Variants in MAP3K21 observed in about 807,000 individuals in gnomAD.
The protein encoded by MAP3K21 is mitogen-activated protein kinase kinase kinase MLK4.
A neutral mutation model predicts 86.1 loss-of-function variants in MAP3K21; 63 were observed. That is an observed-to-expected ratio of 0.73 (90% confidence interval 0.60 to 0.90). The LOEUF is 0.90. MAP3K21 is among the 40% of genes least tolerant of loss of function. MAP3K21 has a pLI of 0.00. For synonymous variants in MAP3K21, 558 were observed against 564.8 expected, an observed-to-expected ratio of 0.99 and a Z score of 0.17; for missense variants, 1,220 against 1,367.7, an observed-to-expected ratio of 0.89 and a Z score of 1.70.
At chr1:233,377,447 G>A (rs934740566) in intron 8 of MAP3K21, among the ~76,000 whole-genome samples, 1 of 152,190 alleles carries the variant, frequency 6.6e-6, no homozygotes, top group Non-Finnish European at 1.5e-5. Context: ...CCTGGGTTCA[G>A]CTTCTCCTTC....
intron 1 of MAP3K21, among the ~76,000 whole-genome samples, chr1:233,334,778 C>T (rs889897392): frequency 9.9e-5 from 15 of 152,024 alleles, no homozygotes; most frequent in African/African-American, 2.4e-5. Context: ...CATAAGCTTG[C>T]GGTCATTGCT....
chr1:233,345,591 G>A (rs1423112965), intron 1 of MAP3K21, among the ~76,000 whole-genome samples: 1 of 151,494 alleles, frequency 6.6e-6, no homozygotes, highest in Admixed American at 6.6e-5. Flanking sequence ...ATGGGATGGG[G>A]GGCAGGGGGA....
At position 233,358,469 on chromosome 1, in the gene MAP3K21, A is replaced by ATTAGTT. The variant is rs1553338864; in HGVS notation, c.1311+3460_1311+3461insAGTTTT. Among the ~76,000 whole-genome samples the ATTAGTT allele has an allele frequency of 8.7e-5, 6 of 68,766 alleles. No individual in the cohort carries two copies. In the Admixed American group the frequency reaches 9.8e-4, roughly 11 times the overall value. 45.1% of individuals were successfully genotyped at this position (68,766 alleles called of 152,430 possible). A position where few individuals can be genotyped will look rare whatever the true frequency, so the allele number is the denominator to read the frequency against. ...TTAAAATGATACAGGAAAGACTCTA[A>ATTAGTT]TTTGTTTTTTTTTTTTTTAACACTT... is the stretch of plus-strand genomic sequence containing the variant. On this transcript the variant is annotated intron_variant, in intron 4 of 9. Transcript: ENST00000366624.
chr1:233,338,781 A>G (rs1662962743), intron 1 of MAP3K21, among the ~76,000 whole-genome samples: 2 of 152,198 alleles, frequency 1.3e-5, no homozygotes, highest in South Asian at 4.1e-4. Context: ...TTTTACTACG[A>G]CGCAAGAGAC....
chr1:233,375,406 G>A (rs1663774043), intron 6 of MAP3K21, among the ~76,000 whole-genome samples: 2 of 152,196 alleles, frequency 1.3e-5, no homozygotes, highest in Non-Finnish European at 2.9e-5. Flanking sequence ...CGTAACCAAA[G>A]TGTTGTCATG....
intron 1 of MAP3K21, among the ~76,000 whole-genome samples, chr1:233,338,477 T>A (rs1398136722): frequency 6.6e-6 from 1 of 152,112 alleles, no homozygotes; most frequent in Admixed American, 6.6e-5. Flanking sequence ...AAGTGCTTAG[T>A]ATAAAAACTA....
At position 233,328,334 on chromosome 1, in the gene MAP3K21, G is replaced by T. The variant is rs1225746056; in HGVS notation, c.306G>T (p.Pro102=). 3.4e-6 allele frequency: 5 copies of T among 1,471,756 alleles called. No homozygotes were observed. The highest frequency in any genetic ancestry group is 4.5e-6 in the Non-Finnish European group (5 of 1,120,038). The allele number at this position is 1,471,756 out of a possible 1,614,324, so 91.2% of individuals were successfully genotyped here. The part of the protein sequence containing the change: ...FPANYVAPCR[P]AASPAPPPSR... ...CCAACTACGTGGCTCCCTGCCGCCCGGCCGCCAGCCCCGCGCCGCCGCCCT... is the reference window on the plus strand; with the variant it reads ...CCAACTACGTGGCTCCCTGCCGCCCTGCCGCCAGCCCCGCGCCGCCGCCCT... The change falls in exon 1 of 10, where the codon CCG becomes CCT. Residue 102 remains proline, a synonymous_variant. Transcript: ENST00000366624. The surrounding 1 kb of genome is among the most constrained non-coding windows in gnomAD (Gnocchi z 8.7).
In MAP3K21 at chr1:233,354,997, A is replaced by G. The variant is rs751102005; in HGVS notation, c.1297A>G (p.Arg433Gly). ...AATTCAACAAATGTTTGATGAGTTG[A>G]GAACAAAGGAAAAGGTGAGAGAAAT... ...LEIQQMFDEL[R>G]TKEKELRSRE... Residue 433 changes from arginine (R) to glycine (G), a missense_variant, in exon 4 of 10, where the codon AGA becomes GGA. Coordinates refer to ENST00000366624, the MANE Select transcript of MAP3K21 (RefSeq NM_032435.3). 37 of 1,611,126 alleles carry G rather than the reference A, an allele frequency of 2.3e-5. No homozygotes were observed. The South Asian group carries it at 4.1e-4, about 18-fold the overall frequency.
intron 6 of MAP3K21, among the ~76,000 whole-genome samples, chr1:233,374,867 T>TA (rs1037420137): frequency 6.6e-6 from 1 of 151,350 alleles, no homozygotes; most frequent in African/African-American, 2.4e-5. Context: ...AAACTGTTTT[T>TA]AGAACATCTA....
chr1:233,345,471 C>T (rs1663117804), intron 1 of MAP3K21, among the ~76,000 whole-genome samples: 1 of 151,502 alleles, frequency 6.6e-6, no homozygotes, highest in South Asian at 2.1e-4. Context: ...TCTGAGCAAA[C>T]TGTCACAAGG....
In MAP3K21 at chr1:233,375,718, A is replaced by G. The variant is rs1379679122; in HGVS notation, c.1676-198A>G. ...GAATTTGTATCTTTTCTGTTAACTT[A>G]CTCCATTTTTCTTGATGTTTTTATG... is the stretch of plus-strand genomic sequence containing the variant. On this transcript the variant is annotated intron_variant, in intron 6 of 9. Coordinates refer to ENST00000366624, the MANE Select transcript of MAP3K21 (RefSeq NM_032435.3). The G allele has an allele frequency of 2.5e-5, 13 of 527,138 alleles. No individual in the cohort carries two copies. The Admixed American group carries it at 4.2e-4, about 17-fold the overall frequency. 32.7% of individuals were successfully genotyped at this position (527,138 alleles called of 1,614,324 possible). A position where few individuals can be genotyped will look rare whatever the true frequency, so the allele number is the denominator to read the frequency against.
intron 1 of MAP3K21, among the ~76,000 whole-genome samples, chr1:233,333,689 A>G (rs1662855528): frequency 1.3e-5 from 2 of 152,196 alleles, no homozygotes; most frequent in African/African-American, 4.8e-5. Flanking sequence ...GTATTTGATC[A>G]GTTTTGTAAT....
intron 9 of MAP3K21, 28 bp downstream of exon 9, chr1:233,379,738 T>C: frequency 1.3e-6 from 2 of 1,516,064 alleles, no homozygotes; most frequent in Admixed American, 1.7e-5. Context: ...GGTAAAAGCA[T>C]AAAACACTGC....
At chr1:233,358,958 C>T (rs1335083839) in intron 4 of MAP3K21, among the ~76,000 whole-genome samples, 1 of 151,910 alleles carries the variant, frequency 6.6e-6, no homozygotes, top group East Asian at 1.9e-4. Context: ...TACAGGCGCC[C>T]ACCACCACAC....
At chr1:233,360,881 T>C (rs888949807) in intron 4 of MAP3K21, among the ~76,000 whole-genome samples, 33 of 152,230 alleles carry the variant, frequency 2.2e-4, no homozygotes, top group Non-Finnish European at 3.7e-4. Context: ...AGGAAATGTT[T>C]GCACAGTACT....
Position 233,351,371 on chromosome 1 carries a change from G to C in MAP3K21, c.987-2436G>C, listed in dbSNP as rs1451280722. The stretch of plus-strand genomic sequence containing the variant: ...GGTAGAGTGGATCTCACTATTATTT[G>C]ATAGAAGAGTTCACTGAAGATCAGC... On this transcript the variant is annotated intron_variant, in intron 2 of 9. Transcript: ENST00000366624. Among the ~76,000 whole-genome samples the C allele has an allele frequency of 2.0e-5, 3 of 152,096 alleles. No individual in the cohort carries two copies. In the South Asian group the frequency reaches 6.2e-4, roughly 32 times the overall value.
intron 8 of MAP3K21, among the ~76,000 whole-genome samples, chr1:233,378,678 C>T (rs1272306853): frequency 6.6e-6 from 1 of 152,186 alleles, no homozygotes; most frequent in Non-Finnish European, 1.5e-5. Flanking sequence ...TGATGAAGAA[C>T]AGCTTCCCGA....
chr1:233,328,633 T>G lies in MAP3K21; in HGVS notation c.605T>G (p.Phe202Cys). The G allele has an allele frequency of 6.9e-7, 1 of 1,456,130 alleles. No individual in the cohort carries two copies. Among genetic ancestry groups the G allele is most frequent in the Non-Finnish European group, 9.0e-7 (1 of 1,106,856 alleles). The allele number at this position is 1,456,130 out of a possible 1,614,324, so 90.2% of individuals were successfully genotyped here. Residue 202 changes from phenylalanine to cysteine, a missense_variant, in exon 1 of 10, where the codon TTC (phenylalanine) becomes TGC (cysteine). By Grantham distance (205) the Phe-to-Cys change is radical. Coordinates refer to ENST00000366624, the MANE Select transcript of MAP3K21 (RefSeq NM_032435.3). This position sits in a 1 kb window ranked among gnomAD's most constrained non-coding sequence, Gnocchi z 8.7. ...QQPHLCLVLE[F>C]ARGGALNRAL... ...CCGCACCTCTGCCTGGTGCTGGAGT[T>G]CGCCCGCGGCGGAGCGCTCAACCGA...
chr1:233,376,565 T>A lies in MAP3K21; in HGVS notation c.1924+38T>A. The A allele has an allele frequency of 2.8e-6, 4 of 1,420,398 alleles. No individual in the cohort carries two copies. In the South Asian group the frequency reaches 4.7e-5, roughly 17 times the overall value. 88.0% of individuals were successfully genotyped at this position (1,420,398 alleles called of 1,614,324 possible). ...CAGGAGGTAGGATTTGCTTGAGCAG[T>A]CCTTGGCATCTGATTGTGCTGAAGC... On this transcript the variant is annotated intron_variant, in intron 8 of 9. Transcript: ENST00000366624.
Sources: allele counts gnomAD v4.1 joint callset (sites outside exome capture counted in the v4.1 genomes callset), GRCh38; gene constraint gnomAD v4.1.1; non-coding constraint Gnocchi (gnomAD v3.1); transcripts MANE v1.5; gene names NCBI Gene and HGNC (gene_info 2026-07-23, HGNC 2026-07-21).